QARS1: variants seen among roughly 807,000 people sequenced by gnomAD.
The protein encoded by QARS1 is glutaminyl-tRNA synthetase 1, also known as glutamine--tRNA ligase.
A neutral mutation model predicts 106.9 loss-of-function variants in QARS1; 79 were observed. The ratio of observed to expected loss-of-function variants is 0.74; its 90% CI spans 0.62 to 0.89. The LOEUF (loss-of-function observed/expected upper bound fraction) is 0.89. QARS1 is among the 40% of genes least tolerant of loss of function. The pLI is 0.00. For synonymous variants in QARS1, 395 were observed against 367.7 expected, an observed-to-expected ratio of 1.07 and a Z score of -0.85; for missense variants, 966 against 997.2, an observed-to-expected ratio of 0.97 and a Z score of 0.42.
At chr3:49,097,093 A>C (rs2042403313) in intron 23 of QARS1, 1 of 152,500 alleles carries the variant, frequency 6.6e-6, no homozygotes. Flanking sequence ...GCTTGAAGCC[A>C]GTAATTCAAG....
At chr3:49,101,069 G>C (rs2042464013) in intron 10 of QARS1, among the ~76,000 whole-genome samples, 1 of 152,194 alleles carries the variant, frequency 6.6e-6, no homozygotes, top group Non-Finnish European at 1.5e-5. Flanking sequence ...ATGTCTTCAA[G>C]AGCTTCTCTC....
intron 5 of QARS1, 98 bp from the exon 6 acceptor site, chr3:49,102,570 A>C: frequency 7.4e-7 from 1 of 1,355,916 alleles, no homozygotes; most frequent in South Asian, 1.2e-5. Context: ...TGGCCTATCT[A>C]CCAGCACTGA....
rs2042439718 is a variant in QARS1, at chr3:49,099,614, C to T, written c.1422G>A (p.Leu474=). 1 of 1,614,002 alleles carries T rather than the reference C, an allele frequency of 6.2e-7. No homozygotes were observed. The highest frequency in any genetic ancestry group is 1.3e-5 in the African/African-American group (1 of 74,914). Residue 474 remains leucine (L), a synonymous_variant, in exon 16 of 24, where the codon CTG becomes CTA. Transcript: ENST00000306125. ...RSSYFWLCNA[L]DVYCPVQWEY... ...CCCACTGCACAGGGCAATAGACGTC[C>T]AGTGCATTGCAAAGCCAGAAGTAGG...
At position 49,104,244 on chromosome 3, in the gene QARS1, G is replaced by A. The variant is rs1325765706; in HGVS notation, c.265+80C>T. On this transcript the variant is annotated intron_variant, in intron 2 of 23. Transcript: ENST00000306125. ...CTAGGTGTCTAGAAAGAAACTGGAG[G>A]ACTTGGCAAAAAGGGAAGACAGGGG... The A allele has an allele frequency of 3.8e-6, 6 of 1,567,108 alleles. No homozygotes were observed. The South Asian group carries it at 4.6e-5, about 12-fold the overall frequency.
Position 49,104,430 on chromosome 3 carries a change from C to A in QARS1, c.159G>T (p.Gly53=). The A allele has an allele frequency of 6.2e-7, 1 of 1,614,214 alleles. No individual in the cohort carries two copies. Among genetic ancestry groups the A allele is most frequent in the Non-Finnish European group, 8.5e-7 (1 of 1,180,038 alleles). The change falls in exon 2 of 24, where the codon GGG becomes GGT. Residue 53 remains glycine (G), a synonymous_variant. Transcript: ENST00000306125. ...GGGAGGCCAAGCCATATAACAGGATCCCGGTAGCTTTGTCAATGGTGGAAC... is the reference window on the plus strand; with the variant it reads ...GGGAGGCCAAGCCATATAACAGGATACCGGTAGCTTTGTCAATGGTGGAAC... The part of the protein sequence containing the change: ...TLGSTIDKAT[G]ILLYGLASRL...
chr3:49,104,402 G>T lies in QARS1; in HGVS notation c.187C>A (p.Leu63Ile). ...AAGGAGAGACGCCGGGTATCCCTGAGTCGGGAGGCCAAGCCATATAACAGG... is the reference window on the plus strand; with the variant it reads ...AAGGAGAGACGCCGGGTATCCCTGATTCGGGAGGCCAAGCCATATAACAGG... Reference protein sequence around the residue: ...GILLYGLASRLRDTRRLSFLV... With the variant: ...GILLYGLASRIRDTRRLSFLV... Residue 63 changes from leucine (L) to isoleucine (I), a missense_variant, in exon 2 of 24, where the codon CTC becomes ATC. Leu to Ile is a conservative substitution (Grantham distance 5, BLOSUM62 2). Coordinates refer to ENST00000306125, the MANE Select transcript of QARS1 (RefSeq NM_005051.3). The T allele has an allele frequency of 6.2e-7, 1 of 1,614,224 alleles. No individual in the cohort carries two copies. Among genetic ancestry groups the T allele is most frequent in the South Asian group, 1.1e-5 (1 of 91,086 alleles).
intron 7 of QARS1, 74 bp downstream of exon 7, chr3:49,102,131 C>A: frequency 6.3e-7 from 1 of 1,579,300 alleles, no homozygotes; most frequent in Non-Finnish European, 8.7e-7. Context: ...GCCTGAGGAG[C>A]CTGTAAGGAC....
Position 49,098,398 on chromosome 3 carries a change from C to A in QARS1, c.2039G>T (p.Trp680Leu). The change falls in exon 21 of 24, where the codon TGG becomes TTG. Residue 680 changes from tryptophan (W) to leucine (L), a missense_variant. Coordinates refer to ENST00000306125, the MANE Select transcript of QARS1 (RefSeq NM_005051.3). ...CTCACACATCAAAGGCTGTGACACC[C>A]AGTGAATAAAGGCCTTTGGCTTCTC... ...AGEKPKAFIH[W>L]VSQPLMCEVR... is the part of the protein sequence containing the mutation. 3.1e-6 allele frequency: 5 copies of A among 1,614,230 alleles called. No individual in the cohort carries two copies. The highest frequency in any genetic ancestry group is 4.2e-6 in the Non-Finnish European group (5 of 1,180,042).
chr3:49,099,717 G>A, intron 15 of QARS1, 44 bp downstream of exon 15: 2 of 1,613,480 alleles, frequency 1.2e-6, no homozygotes, highest in Non-Finnish European at 1.7e-6. Context: ...AAGGGCTGCT[G>A]GAATTCCACT....
chr3:49,102,643 C>G (rs2107109426), intron 5 of QARS1, 171 bp from the exon 6 acceptor site: 1 of 701,044 alleles, frequency 1.4e-6, no homozygotes, highest in Non-Finnish European at 2.5e-6. Flanking sequence ...TTAAAATGCT[C>G]TTGCTCTTGT....
Position 49,100,205 on chromosome 3 carries a change from T to G in QARS1, c.1149A>C (p.Ser383=). 1 of 1,614,234 alleles carries G rather than the reference T, an allele frequency of 6.2e-7. No individual in the cohort carries two copies. The highest frequency in any genetic ancestry group is 8.5e-7 in the Non-Finnish European group (1 of 1,180,038). ...SPWRDRPMEE[S]LLLFEAMRKG... is the part of the protein sequence containing the mutation. ...AGGACCCCACCTCAAAGAGCAGCAG[T>G]GACTCCTCCATGGGACGGTCTCTCC... Residue 383 remains serine, a synonymous_variant, in exon 13 of 24, where the codon TCA becomes TCC. Coordinates refer to ENST00000306125, the MANE Select transcript of QARS1 (RefSeq NM_005051.3).
intron 2 of QARS1, 136 bp from the exon 3 acceptor site, chr3:49,104,108 A>C: frequency 9.0e-7 from 1 of 1,107,440 alleles, no homozygotes; most frequent in Non-Finnish European, 1.4e-6. Flanking sequence ...CCTAGAGAAC[A>C]CAGGGAAGAA....
At chr3:49,096,493 G>A (rs1169719822) in intron 23 of QARS1, among the ~76,000 whole-genome samples, 3 of 151,694 alleles carry the variant, frequency 2.0e-5, no homozygotes, top group South Asian at 2.1e-4. Flanking sequence ...GCAAAACCCC[G>A]TCTCTACTAA....
At chr3:49,103,797 G>A (rs2042502186) in intron 3 of QARS1, 66 bp downstream of exon 3, 1 of 1,598,862 alleles carries the variant, frequency 6.3e-7, no homozygotes, top group Non-Finnish European at 8.6e-7. Flanking sequence ...CCTGAGGAGG[G>A]AAACTGAGCC....
chr3:49,100,506 G>T (rs2042455868), intron 11 of QARS1, 48 bp from the exon 12 acceptor site: 1 of 1,605,318 alleles, frequency 6.2e-7, no homozygotes, highest in East Asian at 2.2e-5. Context: ...CAAACACCCA[G>T]TGGGCAGGCC....
chr3:49,102,089 A>G, intron 7 of QARS1, 116 bp downstream of exon 7: 1 of 1,413,110 alleles, frequency 7.1e-7, no homozygotes. Context: ...CCCAGTCTTG[A>G]GACAGAAGTC....
Position 49,099,566 on chromosome 3 carries a change from G to A in QARS1, c.1470C>T (p.His490=). Residue 490 remains histidine (H), a synonymous_variant, in exon 16 of 24, where the codon CAC becomes CAT. Coordinates refer to ENST00000306125, the MANE Select transcript of QARS1 (RefSeq NM_005051.3). Reference sequence around the variant, plus strand: ...TCTTCCTCTTAGAGACAACAGCATAGTGCAGGTTGAGGCGGCCATACTCCC... The same window carrying A: ...TCTTCCTCTTAGAGACAACAGCATAATGCAGGTTGAGGCGGCCATACTCCC... ...VQWEYGRLNL[H]YAVVSKRKIL... The A allele has an allele frequency of 1.2e-6, 2 of 1,614,200 alleles. No homozygotes were observed. The highest frequency in any genetic ancestry group is 1.6e-4 in the Middle Eastern group (1 of 6,062).
At chr3:49,096,215 C>T (rs535519253) in intron 23 of QARS1, 136 bp from the exon 24 acceptor site, 9 of 812,854 alleles carry the variant, frequency 1.1e-5, no homozygotes, top group South Asian at 8.7e-5. Context: ...TCAGGAGGCC[C>T]GGGTCCTCAA....
At chr3:49,102,651 T>G in intron 5 of QARS1, 179 bp from the exon 6 acceptor site, 1 of 679,538 alleles carries the variant, frequency 1.5e-6, no homozygotes, top group South Asian at 1.6e-5. Flanking sequence ...CTCTTGCTCT[T>G]GTTGCCCAGA....
Sources: gnomAD v4.1 joint callset for allele counts (sites outside exome capture counted in the v4.1 genomes callset) on GRCh38, gnomAD v4.1.1 for gene constraint, MANE v1.5 for transcripts, NCBI Gene and HGNC (gene_info 2026-07-23, HGNC 2026-07-21) for gene names.